MYO1D: variants seen among roughly 807,000 people sequenced by gnomAD.
MYO1D encodes myosin ID, also known as unconventional myosin-Id.
Under a neutral mutation model 122.0 loss-of-function variants are expected in MYO1D, and 83 were observed. The observed-to-expected ratio is 0.68, with a 90% CI of 0.57 to 0.82. MYO1D has a LOEUF of 0.82. Ranked by LOEUF, MYO1D falls within the 40% of genes least tolerant of loss-of-function variation. The pLI, the probability that MYO1D is intolerant of heterozygous loss-of-function variation, is 0.00. For synonymous variants in MYO1D, 464 were observed against 446.9 expected, an observed-to-expected ratio of 1.04 and a Z score of -0.48; for missense variants, 1,157 against 1,269.5, an observed-to-expected ratio of 0.91 and a Z score of 1.35.
At chr17:32,697,677 A>G (rs1055873085) in intron 16 of MYO1D, among the ~76,000 whole-genome samples, 1 of 151,862 alleles carries the variant, frequency 6.6e-6, no homozygotes, top group Non-Finnish European at 1.5e-5. Flanking sequence ...ACTTTTTGTT[A>G]CTATACACGT....
intron 19 of MYO1D, among the ~76,000 whole-genome samples, chr17:32,645,545 A>C (rs538427217): frequency 6.6e-6 from 1 of 152,184 alleles, no homozygotes; most frequent in African/African-American, 2.4e-5. Flanking sequence ...TGCACCAATC[A>C]GACGGAGATT....
Position 32,772,658 on chromosome 17 carries a change from G to A in MYO1D, c.618+131C>T, listed in dbSNP as rs1313417689. On this transcript the variant is annotated intron_variant, in intron 5 of 21. Coordinates refer to ENST00000318217, the MANE Select transcript of MYO1D (RefSeq NM_015194.3). ...GGGCATGTGGTGCGTGCGTGCGTGC[G>A]TGCATGCGTGACATGTTACGGGGCC... The A allele has an allele frequency of 8.1e-6, 6 of 740,762 alleles. No homozygotes were observed. In the East Asian group the frequency reaches 1.0e-4, roughly 13 times the overall value. The allele number at this position is 740,762 out of a possible 1,614,324, so 45.9% of individuals were successfully genotyped here. A position where few individuals can be genotyped will look rare whatever the true frequency, so the allele number is the denominator to read the frequency against.
chr17:32,543,372 C>A (rs1339789305), intron 21 of MYO1D, among the ~76,000 whole-genome samples: 1 of 151,402 alleles, frequency 6.6e-6, no homozygotes, highest in Middle Eastern at 3.4e-3. Flanking sequence ...GTTAGGAGAT[C>A]GAGACCATCC....
intron 21 of MYO1D, among the ~76,000 whole-genome samples, chr17:32,598,436 G>C (rs1393351796): frequency 6.6e-6 from 1 of 152,168 alleles, no homozygotes; most frequent in African/African-American, 2.4e-5. Flanking sequence ...ATTTGACTTT[G>C]GGTTTTCCCA....
chr17:32,732,798 G>A (rs1419140944), intron 14 of MYO1D, among the ~76,000 whole-genome samples: 2 of 152,222 alleles, frequency 1.3e-5, no homozygotes, highest in African/African-American at 2.4e-5. Context: ...TGGGTGACGA[G>A]GAGTGAAGAG....
At chr17:32,552,007 A>G (rs1195432402) in intron 21 of MYO1D, among the ~76,000 whole-genome samples, 3 of 152,256 alleles carry the variant, frequency 2.0e-5, no homozygotes, top group Non-Finnish European at 2.9e-5. Context: ...TTGAAGTTAA[A>G]ATAAACTATC....
At chr17:32,579,483 TTTTATTAAGGCATGC>T (rs1269263693) in intron 21 of MYO1D, among the ~76,000 whole-genome samples, 1 of 152,228 alleles carries the variant, frequency 6.6e-6, no homozygotes, top group African/African-American at 2.4e-5. Context: ...TTCTAGTCAC[TTTTATTAAGGCATGC>T]TTTATTAAGG....
chr17:32,524,923 A>C (rs1290323604), intron 21 of MYO1D, among the ~76,000 whole-genome samples: 1 of 152,112 alleles, frequency 6.6e-6, no homozygotes, highest in Non-Finnish European at 1.5e-5. Flanking sequence ...GGTTGGTCTT[A>C]AACTCCTGGG....
chr17:32,637,539 C>T (rs9915456), intron 20 of MYO1D, among the ~76,000 whole-genome samples: 2,308 of 152,090 alleles, frequency 0.015, 50 homozygotes, highest in African/African-American at 0.046. Flanking sequence ...GGCATGGTGG[C>T]GTGCACCTCT....
chr17:32,808,048 T>G (rs2065555237), intron 1 of MYO1D, among the ~76,000 whole-genome samples: 1 of 152,184 alleles, frequency 6.6e-6, no homozygotes, highest in African/African-American at 2.4e-5. Context: ...CCCACAATTT[T>G]CCTAACCCAA....
rs201262966 is a variant in MYO1D at position 32,764,961 on chromosome 17, G to A, written c.952C>T (p.Arg318Trp). 3 of 1,614,138 alleles carry A rather than the reference G, an allele frequency of 1.9e-6. No individual in the cohort carries two copies. The highest frequency in any genetic ancestry group is 2.2e-5 in the East Asian group (1 of 44,878). ...ATGTCACGGCCTGTGGCCACAGTCCGGTAAAGAAGGGCTTTCTCAACCATA... is the reference window on the plus strand; with the variant it reads ...ATGTCACGGCCTGTGGCCACAGTCCAGTAAAGAAGGGCTTTCTCAACCATA... ...TDMVEKALLYRTVATGRDIID... is the reference protein window; with the variant it reads ...TDMVEKALLYWTVATGRDIID... The change falls in exon 8 of 22, where the codon CGG (arginine) becomes TGG (tryptophan). Residue 318 changes from arginine (R) to tryptophan (W), a missense_variant. By Grantham distance (101) the Arg-to-Trp change is moderately radical. Transcript: ENST00000318217.
At chr17:32,522,164 T>C (rs527471976) in intron 21 of MYO1D, among the ~76,000 whole-genome samples, 1 of 149,516 alleles carries the variant, frequency 6.7e-6, no homozygotes, top group South Asian at 2.2e-4. Context: ...AATTTACATA[T>C]CCTCTAGGAG....
intron 21 of MYO1D, among the ~76,000 whole-genome samples, chr17:32,570,350 AAGGTTACC>A (rs1422986212): frequency 6.6e-6 from 1 of 152,126 alleles, no homozygotes; most frequent in African/African-American, 2.4e-5. Flanking sequence ...ATGGTAAGCC[AAGGTTACC>A]ACATTAAAAA....
intron 21 of MYO1D, among the ~76,000 whole-genome samples, chr17:32,547,036 A>T (rs1210200584): frequency 6.6e-6 from 1 of 151,364 alleles, no homozygotes; most frequent in Non-Finnish European, 1.5e-5. Context: ...CAGCCTTCTG[A>T]GTAGCTGGAA....
intron 14 of MYO1D, among the ~76,000 whole-genome samples, chr17:32,733,856 T>G (rs899365357): frequency 2.6e-5 from 4 of 152,340 alleles, no homozygotes; most frequent in African/African-American, 9.6e-5. Flanking sequence ...AACATTTTAG[T>G]TGTTTTCAGT....
chr17:32,754,870 C>A (rs1717337422), intron 11 of MYO1D, among the ~76,000 whole-genome samples: 1 of 152,236 alleles, frequency 6.6e-6, no homozygotes, highest in Admixed American at 6.5e-5. Flanking sequence ...ATGTCCATAT[C>A]AGCACAAAGG....
intron 16 of MYO1D, among the ~76,000 whole-genome samples, chr17:32,671,497 G>A (rs1284266158): frequency 6.6e-6 from 1 of 152,228 alleles, no homozygotes; most frequent in Admixed American, 6.5e-5. Context: ...CAACTTTTCT[G>A]TAAATCTAAA....
At position 32,739,578 on chromosome 17, in the gene MYO1D, G is replaced by A. The variant is rs1011156721; in HGVS notation, c.1614-1193C>T. On this transcript the variant is annotated intron_variant, in intron 13 of 21. Transcript: ENST00000318217. ...AATGGGTGCAGCACACCAACATGGC[G>A]CATGTATACATATGTAACAAACCTG... 1.4e-4 allele frequency among the ~76,000 whole-genome samples: 21 copies of A among 151,242 alleles called. 1 individual carries two copies. The highest frequency in any genetic ancestry group is 1.2e-3 in the Admixed American group (18 of 15,198).
At chr17:32,622,658 G>A (rs1028113363) in intron 20 of MYO1D, among the ~76,000 whole-genome samples, 7 of 152,196 alleles carry the variant, frequency 4.6e-5, no homozygotes, top group African/African-American at 1.2e-4. Context: ...AATGAAAACC[G>A]AGATCAAAGA....
Sources: gnomAD v4.1 joint callset for allele counts (sites outside exome capture counted in the v4.1 genomes callset) on GRCh38, gnomAD v4.1.1 for gene constraint, MANE v1.5 for transcripts, NCBI Gene and HGNC (gene_info 2026-07-23, HGNC 2026-07-21) for gene names.